DLG5: variants seen among roughly 807,000 people sequenced by gnomAD.
The protein encoded by DLG5 is discs large MAGUK scaffold protein 5, also known as disks large homolog 5.
In DLG5, 48 loss-of-function variants were observed where a neutral mutation model predicts 189.8. The observed-to-expected ratio is 0.25, with a 90% CI of 0.20 to 0.32. The LOEUF is 0.32. Ranked by LOEUF, DLG5 falls within the 10% of genes least tolerant of loss-of-function variation. The pLI, the probability that DLG5 is intolerant of heterozygous loss-of-function variation, is 1.00. For synonymous variants in DLG5, 1,016 were observed against 1,054.1 expected, an observed-to-expected ratio of 0.96 and a Z score of 0.70; for missense variants, 2,160 against 2,544.7, an observed-to-expected ratio of 0.85 and a Z score of 3.25.
intron 1 of DLG5, among the ~76,000 whole-genome samples, chr10:77,896,934 A>C (rs1286419100): frequency 6.6e-6 from 1 of 152,192 alleles, no homozygotes; most frequent in Non-Finnish European, 1.5e-5. Flanking sequence ...CATTTTCAAA[A>C]CAAAATGTCA....
intron 1 of DLG5, among the ~76,000 whole-genome samples, chr10:77,873,993 A>G (rs532850786): frequency 6.6e-6 from 1 of 152,316 alleles, no homozygotes; most frequent in South Asian, 2.1e-4. Flanking sequence ...CCTCCAGCTC[A>G]CACTGAGGAA....
intron 1 of DLG5, among the ~76,000 whole-genome samples, chr10:77,920,329 T>G (rs970952270): frequency 1.3e-5 from 2 of 152,240 alleles, no homozygotes; most frequent in Non-Finnish European, 2.9e-5. Context: ...GCTCAAGGTC[T>G]AAAACCTTGT....
rs1842834367 is a variant in DLG5, at chr10:77,830,202, G to A, written c.2009+15C>T. On this transcript the variant is annotated intron_variant, in intron 11 of 31. Coordinates refer to ENST00000372391, the MANE Select transcript of DLG5 (RefSeq NM_004747.4). ...GGCCCCACCTTGCCTCCAGAGCCTG[G>A]GCCTCAACTCTTACCTTAAGCGGCC... 1.2e-6 allele frequency: 2 copies of A among 1,613,722 alleles called. No homozygotes were observed. Among genetic ancestry groups the A allele is most frequent in the South Asian group, 1.1e-5 (1 of 91,068 alleles).
At chr10:77,920,135 A>G (rs1453167182) in intron 1 of DLG5, among the ~76,000 whole-genome samples, 2 of 152,210 alleles carry the variant, frequency 1.3e-5, no homozygotes, top group African/African-American at 4.8e-5. Context: ...AAACACCAGG[A>G]GATTCCCAGT....
the DLG5 span, among the ~76,000 whole-genome samples, chr10:77,939,275 G>GGCCCTGCCT: frequency 6.6e-6 from 1 of 152,278 alleles, no homozygotes; most frequent in South Asian, 2.1e-4. Context: ...AATCAACAGT[G>GGCCCTGCCT]GCCCTGCCTG....
Position 77,819,325 on chromosome 10 carries a change from G to GA in DLG5, c.3666dup (p.Pro1223SerfsTer44). 6.2e-7 allele frequency: 1 copy of GA among 1,613,944 alleles called. No individual in the cohort carries two copies. The highest frequency in any genetic ancestry group is 8.5e-7 in the Non-Finnish European group (1 of 1,179,992). On this transcript the variant is annotated frameshift_variant, in exon 17 of 32. Coordinates refer to ENST00000372391, the MANE Select transcript of DLG5 (RefSeq NM_004747.4). LOFTEE classifies it high-confidence loss of function. ...GCGTAGGGTGCCTTCACATACCTGG[G>GA]ATGCAAACCCTGGGGGCCAGCATCT...
chr10:77,924,266 T>C (rs1846620473), intron 1 of DLG5, among the ~76,000 whole-genome samples: 1 of 152,188 alleles, frequency 6.6e-6, no homozygotes, highest in Non-Finnish European at 1.5e-5. Flanking sequence ...AACTCTGCAT[T>C]GTGGTAAAAC....
At chr10:77,820,947 A>G (rs117572387) in intron 15 of DLG5, 135 bp downstream of exon 15, 62 of 1,227,006 alleles carry the variant, frequency 5.1e-5, no homozygotes, top group Non-Finnish European at 6.6e-5. Flanking sequence ...TTCCCACTTG[A>G]GTCCAACAGC....
rs1564537652 is a variant in DLG5 at position 77,842,003 on chromosome 10, G to A, written c.1315C>T (p.Arg439Cys). ...YSEYKLIMSE[R>C]DQVISELDKL... ...TCCAGCTCAGAGATGACCTGGTCAC[G>A]CTCACTCATGATGAGCTTGTACTCG... Residue 439 changes from arginine to cysteine, a missense_variant, in exon 7 of 32, where the codon CGT becomes TGT. Transcript: ENST00000372391. The A allele has an allele frequency of 1.2e-6, 2 of 1,614,146 alleles. No homozygotes were observed. The highest frequency in any genetic ancestry group is 8.5e-7 in the Non-Finnish European group (1 of 1,180,042).
the DLG5 span, among the ~76,000 whole-genome samples, chr10:77,937,125 C>T: frequency 6.6e-6 from 1 of 152,182 alleles, no homozygotes; most frequent in Non-Finnish European, 1.5e-5. Context: ...CTCCCCATTG[C>T]CTGCAGGGCA....
intron 1 of DLG5, among the ~76,000 whole-genome samples, chr10:77,877,776 C>T (rs1010687843): frequency 2.0e-5 from 3 of 152,114 alleles, no homozygotes; most frequent in African/African-American, 7.2e-5. Context: ...TCGTGCTATG[C>T]CCTGGAAGGT....
intron 20 of DLG5, 37 bp from the exon 21 acceptor site, chr10:77,812,414 A>C: frequency 1.3e-6 from 2 of 1,595,502 alleles, no homozygotes; most frequent in South Asian, 2.2e-5. Flanking sequence ...ACTCAGGGTC[A>C]AACAAAAGGG....
chr10:77,805,979 T>C, intron 26 of DLG5, 118 bp from the exon 27 acceptor site: 1 of 998,852 alleles, frequency 1.0e-6, no homozygotes, highest in Non-Finnish European at 1.5e-6. Context: ...CCCACACTCC[T>C]TGGCAGGTCT....
chr10:77,860,963 A>G (rs1464551295), intron 2 of DLG5, among the ~76,000 whole-genome samples: 1 of 152,356 alleles, frequency 6.6e-6, no homozygotes, highest in East Asian at 1.9e-4. Context: ...TCCATTATAT[A>G]TTGACATAAG....
intron 1 of DLG5, among the ~76,000 whole-genome samples, chr10:77,919,467 C>T (rs2131862830): frequency 6.6e-6 from 1 of 150,576 alleles, no homozygotes; most frequent in South Asian, 2.1e-4. Flanking sequence ...CGTCAATGCT[C>T]AACCTCTTCT....
chr10:77,841,826 C>T, intron 7 of DLG5, 55 bp downstream of exon 7: 12 of 1,561,698 alleles, frequency 7.7e-6, no homozygotes, highest in South Asian at 3.6e-5. Context: ...TGCAGCCCCT[C>T]TTCCCGGGAT....
Position 77,853,014 on chromosome 10 carries a change from A to G in DLG5, c.864+340T>C, listed in dbSNP as rs140572026. ...TTTTTTTTATCAGAGACAGCGTCTC[A>G]CTCCTTCGCCCAAGCTGGGGTGCAG... On this transcript the variant is annotated intron_variant, in intron 5 of 31. Transcript: ENST00000372391. 6.0e-3 allele frequency among the ~76,000 whole-genome samples: 907 copies of G among 151,526 alleles called. 4 individuals carry two copies. Among genetic ancestry groups the G allele is most frequent in the Middle Eastern group, 0.051 (15 of 292 alleles).
Position 77,805,658 on chromosome 10 carries a change from C to T in DLG5, c.5164+7G>A. On this transcript the variant is annotated splice_region_variant and intron_variant, in intron 27 of 31. Coordinates refer to ENST00000372391, the MANE Select transcript of DLG5 (RefSeq NM_004747.4). Reference sequence around the variant, plus strand: ...GAGCCCACTGGAAAATGAGCTCAGCCACTTGCCTTCAAAGAGTGGAATGGA... The same window carrying T: ...GAGCCCACTGGAAAATGAGCTCAGCTACTTGCCTTCAAAGAGTGGAATGGA... 2 of 1,600,478 alleles carry T rather than the reference C, an allele frequency of 1.2e-6. No homozygotes were observed. Among genetic ancestry groups the T allele is most frequent in the Non-Finnish European group, 1.7e-6 (2 of 1,169,718 alleles).
chr10:77,877,302 C>CT (rs71030913), intron 1 of DLG5, among the ~76,000 whole-genome samples: 37,736 of 146,496 alleles, frequency 0.26, 5,285 homozygotes, highest in Admixed American at 0.39. Flanking sequence ...TTTTTCTTTA[C>CT]TTTTTTTTTT....
Sources: gnomAD v4.1 joint callset for allele counts (sites outside exome capture counted in the v4.1 genomes callset) on GRCh38, gnomAD v4.1.1 for gene constraint, MANE v1.5 for transcripts, NCBI Gene and HGNC (gene_info 2026-07-23, HGNC 2026-07-21) for gene names.